The following ABI2 variants were observed in gnomAD, a reference collection of about 807,000 sequenced individuals.
The protein encoded by ABI2 is abelson interactor 2.
In ABI2, 25 loss-of-function variants were observed where a neutral mutation model predicts 59.2. The observed-to-expected ratio is 0.42, with a 90% CI of 0.31 to 0.59. ABI2 has a LOEUF of 0.59. ABI2 is among the 20% of genes least tolerant of loss of function. The probability of loss-of-function intolerance (pLI) is 0.14; values close to 1 mark genes in which losing one functional copy is unlikely to be tolerated. For synonymous variants in ABI2, 213 were observed against 235.5 expected (o/e 0.90, Z 0.87); for missense variants, 545 against 681.8 (o/e 0.80, Z 2.23).
At position 203,428,735 on chromosome 2, in the gene ABI2, T is replaced by G. The variant is rs1441114983; in HGVS notation, c.*1383T>G. ...AATGCTGAAAAAAATCCAGGAGGGC[T>G]TGTCTCTTTGTGGGTGGTCACTGTG... On this transcript the variant is annotated 3_prime_UTR_variant, in exon 12 of 12. Transcript: ENST00000261018. 2.6e-5 allele frequency: 4 copies of G among 152,372 alleles called. No individual in the cohort carries two copies. Among genetic ancestry groups the G allele is most frequent in the East Asian group, 3.9e-4 (2 of 5,186 alleles). The allele number at this position is 152,372 out of a possible 1,614,324, so 9.4% of individuals were successfully genotyped here.
chr2:203,387,842 GTCTC>G lies in ABI2; in HGVS notation c.481-3196_481-3193del, dbSNP rs374258193. Reference sequence around the variant, plus strand: ...GTCTTGAGTTTATGGTATATGTTCTGTCTCTCTCTCTGTCGCTGTCGTTAAGTTC... The same window carrying G: ...GTCTTGAGTTTATGGTATATGTTCTGTCTCTCTGTCGCTGTCGTTAAGTTC... On this transcript the variant is annotated intron_variant, in intron 4 of 11. Transcript: ENST00000261018. Among the ~76,000 whole-genome samples, 1,040 of 152,144 alleles carry G rather than the reference GTCTC, an allele frequency of 6.8e-3. 4 individuals carry two copies. The highest frequency in any genetic ancestry group is 0.014 in the Middle Eastern group (4 of 294).
At chr2:203,356,055 T>C (rs1315969718) in intron 1 of ABI2, among the ~76,000 whole-genome samples, 5 of 152,084 alleles carry the variant, frequency 3.3e-5, no homozygotes, top group South Asian at 2.1e-4. Context: ...TAGTTTTTTT[T>C]CTCTCTCTCT....
intron 9 of ABI2, among the ~76,000 whole-genome samples, chr2:203,408,833 C>CTTTTTTTTTTT (rs1156536730): frequency 0.32 from 26,946 of 84,708 alleles, 8,052 homozygotes; most frequent in Non-Finnish European, 0.43. Context: ...CTTCTCCTTT[C>CTTTTTTTTTTT]TTTTTTTTTT....
intron 1 of ABI2, among the ~76,000 whole-genome samples, chr2:203,336,874 C>G (rs2076694365): frequency 6.6e-6 from 1 of 152,196 alleles, no homozygotes; most frequent in Non-Finnish European, 1.5e-5. Flanking sequence ...TTGCCAAACT[C>G]TTTTCCAAAA....
At chr2:203,403,408 T>G (rs560028653) in intron 9 of ABI2, 7 of 154,828 alleles carry the variant, frequency 4.5e-5, no homozygotes, top group Non-Finnish European at 7.3e-5. Flanking sequence ...AGGAAGCCAG[T>G]AAGCCTATGT....
intron 11 of ABI2, among the ~76,000 whole-genome samples, chr2:203,423,993 T>C (rs2098332143): frequency 6.6e-6 from 1 of 152,246 alleles, no homozygotes. Context: ...TCTGTTTCAG[T>C]CATAACTGCA....
chr2:203,374,693 A>G (rs962060862), intron 2 of ABI2: 1 of 371,948 alleles, frequency 2.7e-6, no homozygotes. Flanking sequence ...TGAATGATAC[A>G]TAATTTGAAG....
intron 7 of ABI2, 108 bp downstream of exon 7, chr2:203,395,888 G>T (rs1448416812): frequency 1.4e-5 from 18 of 1,286,904 alleles, no homozygotes; most frequent in Non-Finnish European, 1.9e-5. Flanking sequence ...TTTTCTTTAG[G>T]AATCATAAAT....
chr2:203,398,181 C>CT (rs1254338381), intron 8 of ABI2, among the ~76,000 whole-genome samples: 3 of 152,154 alleles, frequency 2.0e-5, no homozygotes, highest in Non-Finnish European at 4.4e-5. Context: ...GGGATTCCTT[C>CT]TATATGACTT....
intron 3 of ABI2, among the ~76,000 whole-genome samples, chr2:203,381,078 T>TA (rs1490463857): frequency 6.6e-6 from 1 of 152,208 alleles, no homozygotes; most frequent in Non-Finnish European, 1.5e-5. Flanking sequence ...TATACATGCT[T>TA]ATAATGATAC....
At position 203,372,552 on chromosome 2, in the gene ABI2, G is replaced by A. The variant is rs1037552847; in HGVS notation, c.285+5508G>A. Among the ~76,000 whole-genome samples, 18 of 150,176 alleles carry A rather than the reference G, an allele frequency of 1.2e-4. 1 individual carries two copies. In the East Asian group the frequency reaches 2.3e-3, roughly 19 times the overall value. ...TCCCAGACGGGGCGGCTGGCCGGGC[G>A]GGGGGCTGACCCCCCCACCTCCCTC... is the stretch of plus-strand genomic sequence containing the variant. On this transcript the variant is annotated intron_variant, in intron 2 of 11. Coordinates refer to ENST00000261018, the MANE Select transcript of ABI2 (RefSeq NM_001375670.1).
chr2:203,391,200 G>C, intron 5 of ABI2, 57 bp downstream of exon 5: 3 of 1,176,698 alleles, frequency 2.5e-6, no homozygotes, highest in Non-Finnish European at 3.5e-6. Context: ...TAAAAATGAA[G>C]CACAACATAT....
intron 2 of ABI2, among the ~76,000 whole-genome samples, chr2:203,378,100 T>C (rs1275645754): frequency 6.6e-6 from 1 of 151,880 alleles, no homozygotes; most frequent in Non-Finnish European, 1.5e-5. Context: ...TTTTTTCTTT[T>C]TCTTTTTCTT....
At chr2:203,407,200 C>T (rs2097461775) in intron 9 of ABI2, among the ~76,000 whole-genome samples, 1 of 152,204 alleles carries the variant, frequency 6.6e-6, no homozygotes, top group Non-Finnish European at 1.5e-5. Flanking sequence ...GCTGGGATTA[C>T]AGGTGTGAGC....
intron 1 of ABI2, among the ~76,000 whole-genome samples, chr2:203,330,315 A>G (rs540527271): frequency 6.6e-6 from 1 of 151,806 alleles, no homozygotes; most frequent in Admixed American, 6.6e-5. Context: ...GTCCACTTGT[A>G]ATGTACTTTG....
At chr2:203,400,335 C>T (rs1425733675) in intron 8 of ABI2, among the ~76,000 whole-genome samples, 3 of 151,996 alleles carry the variant, frequency 2.0e-5, no homozygotes, top group South Asian at 2.1e-4. Context: ...ATGATCCACC[C>T]GCCTCCACCT....
intron 2 of ABI2, among the ~76,000 whole-genome samples, chr2:203,376,760 T>C (rs1038548628): frequency 5.3e-5 from 8 of 150,878 alleles, no homozygotes; most frequent in Non-Finnish European, 1.0e-4. Flanking sequence ...TTTACTGTTA[T>C]GGTCTATGGG....
At chr2:203,331,929 C>T (rs1459699974) in intron 1 of ABI2, among the ~76,000 whole-genome samples, 4 of 151,514 alleles carry the variant, frequency 2.6e-5, no homozygotes, top group Admixed American at 6.6e-5. Flanking sequence ...CCTGCCTCAG[C>T]CTCCCGAGTA....
intron 1 of ABI2, among the ~76,000 whole-genome samples, chr2:203,331,498 A>G (rs1019496300): frequency 6.6e-6 from 1 of 151,738 alleles, no homozygotes; most frequent in African/African-American, 2.4e-5. Context: ...AGCTGGGACT[A>G]CAGGTGTGTA....
Sources: gnomAD v4.1 joint callset for allele counts (sites outside exome capture counted in the v4.1 genomes callset) on GRCh38, gnomAD v4.1.1 for gene constraint, MANE v1.5 for transcripts, NCBI Gene and HGNC (gene_info 2026-07-23, HGNC 2026-07-21) for gene names.